GNA14: variants seen among roughly 807,000 people sequenced by gnomAD.
The protein encoded by GNA14 is guanine nucleotide-binding protein subunit alpha-14.
In GNA14, 50 loss-of-function variants were observed where a neutral mutation model predicts 42.0. That is an observed-to-expected ratio of 1.19 (90% CI 0.95 to 1.51). The LOEUF (loss-of-function observed/expected upper bound fraction) is 1.51. Ranked by LOEUF, GNA14 falls within the 40% of genes most tolerant of loss-of-function variation. GNA14 has a pLI of 0.00. For synonymous variants in GNA14, 173 were observed against 163.1 expected, an observed-to-expected ratio of 1.06 and a Z score of -0.46; for missense variants, 473 against 446.2, an observed-to-expected ratio of 1.06 and a Z score of -0.54.
intron 1 of GNA14, among the ~76,000 whole-genome samples, chr9:77,557,486 G>T (rs930627904): frequency 2.6e-5 from 4 of 152,170 alleles, no homozygotes; most frequent in Non-Finnish European, 4.4e-5. Flanking sequence ...CTGATTACTC[G>T]AACAATATTT....
At chr9:77,427,659 G>A (rs185264120) in intron 5 of GNA14, among the ~76,000 whole-genome samples, 2 of 152,340 alleles carry the variant, frequency 1.3e-5, no homozygotes, top group African/African-American at 4.8e-5. Context: ...ACAGAGAAGT[G>A]GCTGTGAGGG....
chr9:77,602,108 T>C (rs536705477), intron 1 of GNA14, among the ~76,000 whole-genome samples: 4 of 152,336 alleles, frequency 2.6e-5, no homozygotes, highest in Non-Finnish European at 5.9e-5. Flanking sequence ...TGGTCCTGTT[T>C]ATATTTGAAA....
At chr9:77,478,188 C>T (rs1334061736) in intron 2 of GNA14, among the ~76,000 whole-genome samples, 4 of 151,618 alleles carry the variant, frequency 2.6e-5, no homozygotes, top group African/African-American at 4.9e-5. Context: ...TCCCCCCACC[C>T]CACAACAGTC....
chr9:77,548,787 G>A (rs996619353), intron 1 of GNA14, among the ~76,000 whole-genome samples: 12 of 152,092 alleles, frequency 7.9e-5, no homozygotes, highest in African/African-American at 2.7e-4. Context: ...GTGCATAAAC[G>A]ATCATATTAT....
intron 1 of GNA14, among the ~76,000 whole-genome samples, chr9:77,577,025 T>C (rs958323552): frequency 6.6e-6 from 1 of 152,168 alleles, no homozygotes; most frequent in Non-Finnish European, 1.5e-5. Context: ...TGCACAGAAA[T>C]CTAATAAAAC....
chr9:77,425,854 G>T, intron 5 of GNA14, 139 bp from the exon 6 acceptor site: 2 of 696,134 alleles, frequency 2.9e-6, no homozygotes, highest in South Asian at 1.9e-5. Context: ...TGGTGAGCAT[G>T]TGGGGCCCCA....
chr9:77,525,760 G>T (rs28363916), intron 2 of GNA14, among the ~76,000 whole-genome samples: 2,747 of 151,698 alleles, frequency 0.018, 100 homozygotes, highest in African/African-American at 0.062. Context: ...GGATGATCTC[G>T]ATCTCCTGAC....
Position 77,648,184 on chromosome 9 carries a change from G to T in GNA14, c.-391C>A. 6.8e-6 allele frequency: 2 copies of T among 295,716 alleles called. No homozygotes were observed. The highest frequency in any genetic ancestry group is 1.3e-5 in the Non-Finnish European group (2 of 157,150). The allele number at this position is 295,716 out of a possible 1,614,324, so 18.3% of individuals were successfully genotyped here. A position where few individuals can be genotyped will look rare whatever the true frequency, so the allele number is the denominator to read the frequency against. On this transcript the variant is annotated 5_prime_UTR_variant, in exon 1 of 7. Transcript: ENST00000341700. ...CGAGTTGGAACGTCGGTGCTCGGGG[G>T]AGAGTAGGATCTCCTGGGCCTAGGG...
In GNA14 at chr9:77,647,922, G is replaced by A; in HGVS notation, c.-129C>T. 1.8e-6 allele frequency: 2 copies of A among 1,120,240 alleles called. No individual in the cohort carries two copies. The highest frequency in any genetic ancestry group is 2.5e-6 in the Non-Finnish European group (2 of 796,716). The allele number at this position is 1,120,240 out of a possible 1,614,324, so 69.4% of individuals were successfully genotyped here. On this transcript the variant is annotated 5_prime_UTR_variant, in exon 1 of 7. Transcript: ENST00000341700. ...AAAGAAAAGACGGGGGCCGACTTGA[G>A]CTTTGGAGTAAGACGCCTGGACCTC...
chr9:77,478,123 C>T (rs1341148032), intron 2 of GNA14, among the ~76,000 whole-genome samples: 1 of 151,424 alleles, frequency 6.6e-6, no homozygotes, highest in African/African-American at 2.4e-5. Context: ...GTGTGCTGCA[C>T]CCATTAACTC....
At chr9:77,431,024 T>TTTG (rs1554686111) in intron 4 of GNA14, among the ~76,000 whole-genome samples, 2 of 101,466 alleles carry the variant, frequency 2.0e-5, no homozygotes, top group East Asian at 2.5e-4. Context: ...AAGTATACAT[T>TTTG]TGTGTGTGTG....
At position 77,609,900 on chromosome 9, in the gene GNA14, C is replaced by G. The variant is rs191043199; in HGVS notation, c.124+37770G>C. Reference sequence around the variant, plus strand: ...ATGCAGGGAGGTTCATGTATCTGACCAAGGGAAGATTTTCCAGAAGGATTG... The same window carrying G: ...ATGCAGGGAGGTTCATGTATCTGACGAAGGGAAGATTTTCCAGAAGGATTG... On this transcript the variant is annotated intron_variant, in intron 1 of 6. Transcript: ENST00000341700. Among the ~76,000 whole-genome samples the G allele has an allele frequency of 3.1e-3, 476 of 152,264 alleles. 3 individuals are homozygous for G. The highest frequency in any genetic ancestry group is 0.01 in the African/African-American group (418 of 41,550).
At chr9:77,596,161 G>C (rs1045799206) in intron 1 of GNA14, among the ~76,000 whole-genome samples, 1 of 152,040 alleles carries the variant, frequency 6.6e-6, no homozygotes, top group African/African-American at 2.4e-5. Context: ...CTGAATGCCA[G>C]TTACACCTAA....
At chr9:77,606,424 A>G (rs975393684) in intron 1 of GNA14, among the ~76,000 whole-genome samples, 1 of 152,230 alleles carries the variant, frequency 6.6e-6, no homozygotes, top group African/African-American at 2.4e-5. Context: ...ATATTTTCCT[A>G]TGATTATACA....
At position 77,425,618 on chromosome 9, in the gene GNA14, A is replaced by G. The variant is rs556831126; in HGVS notation, c.821T>C (p.Leu274Pro). 46 of 1,609,542 alleles carry G rather than the reference A, an allele frequency of 2.9e-5. No homozygotes were observed. In the South Asian group the frequency reaches 5.0e-4, roughly 17 times the overall value. Residue 274 changes from leucine to proline, a missense_variant, in exon 6 of 7, where the codon CTT becomes CCT. By Grantham distance (98) the Leu-to-Pro change is moderately conservative. Coordinates refer to ENST00000341700, the MANE Select transcript of GNA14 (RefSeq NM_004297.4). ...AGAGTACATGATTTTCTCTTCCAAAAGATCCTTCTTGTTCAAGAATAAAAT... is the reference window on the plus strand; with the variant it reads ...AGAGTACATGATTTTCTCTTCCAAAGGATCCTTCTTGTTCAAGAATAAAAT... ...SVILFLNKKD[L>P]LEEKIMYSHL...
chr9:77,491,954 G>A (rs1195103419), intron 2 of GNA14, among the ~76,000 whole-genome samples: 1 of 152,068 alleles, frequency 6.6e-6, no homozygotes, highest in Non-Finnish European at 1.5e-5. Context: ...ATCATATAAA[G>A]CATCTTTTCT....
intron 2 of GNA14, among the ~76,000 whole-genome samples, chr9:77,462,741 G>T (rs1157194915): frequency 8.3e-5 from 9 of 108,856 alleles, no homozygotes; most frequent in Non-Finnish European, 1.7e-4. Context: ...GTGGGGGGGT[G>T]GGAAAAGGAA....
intron 2 of GNA14, among the ~76,000 whole-genome samples, chr9:77,525,597 G>A (rs1240279237): frequency 6.7e-6 from 1 of 149,724 alleles, no homozygotes; most frequent in Non-Finnish European, 1.5e-5. Flanking sequence ...GGAGTGCAGT[G>A]GCATGATCTC....
At position 77,608,736 on chromosome 9, in the gene GNA14, T is replaced by G. The variant is rs1187615859; in HGVS notation, c.124+38934A>C. On this transcript the variant is annotated intron_variant, in intron 1 of 6. Transcript: ENST00000341700. ...ATGTACGAAGCCCAATATCCTGTTT[T>G]TTTTTTTTTTTGCTTTTTAATAATT... Among the ~76,000 whole-genome samples, 639 of 150,514 alleles carry G rather than the reference T, an allele frequency of 4.2e-3. 7 individuals are homozygous for G. Among genetic ancestry groups the G allele is most frequent in the African/African-American group, 0.015 (596 of 40,914 alleles).
Sources: gnomAD v4.1 joint callset for allele counts (sites outside exome capture counted in the v4.1 genomes callset) on GRCh38, gnomAD v4.1.1 for gene constraint, MANE v1.5 for transcripts, NCBI Gene and HGNC (gene_info 2026-07-23, HGNC 2026-07-21) for gene names.